Variants in IQCM observed in about 807,000 individuals in gnomAD.
IQCM encodes IQ motif containing M.
In IQCM, 45 loss-of-function variants were observed where a neutral mutation model predicts 57.6. The observed-to-expected ratio is 0.78, with a 90% CI of 0.62 to 1.00. The LOEUF (loss-of-function observed/expected upper bound fraction) is 1.00. Ranked by LOEUF, IQCM falls within the 50% of genes least tolerant of loss-of-function variation. The pLI is 0.00. For missense variants in IQCM, 468 were observed against 511.6 expected (o/e 0.91, Z 0.82); for synonymous variants, 148 against 158.9 (o/e 0.93, Z 0.51).
intron 12 of IQCM, among the ~76,000 whole-genome samples, chr4:149,473,476 C>T (rs140808871): frequency 5.3e-5 from 8 of 152,308 alleles, no homozygotes; most frequent in African/African-American, 1.4e-4. Flanking sequence ...CAGGAAACAA[C>T]AGGTGCCGGA....
At chr4:149,571,545 G>A (rs1297495080) in intron 9 of IQCM, among the ~76,000 whole-genome samples, 2 of 151,950 alleles carry the variant, frequency 1.3e-5, no homozygotes, top group East Asian at 1.9e-4. Context: ...TTACATAGGC[G>A]GAATAAGTCC....
intron 5 of IQCM, among the ~76,000 whole-genome samples, chr4:149,721,716 C>T (rs558602172): frequency 3.4e-4 from 51 of 152,228 alleles, no homozygotes; most frequent in African/African-American, 1.2e-3. Flanking sequence ...AGGTTGATTC[C>T]ATATCTTCGC....
At chr4:149,410,912 A>T (rs1417763153) in intron 13 of IQCM, among the ~76,000 whole-genome samples, 1 of 152,158 alleles carries the variant, frequency 6.6e-6, no homozygotes, top group Non-Finnish European at 1.5e-5. Flanking sequence ...TATATTGGAT[A>T]TGTATAATAT....
At chr4:149,641,061 A>C (rs1758145756) in intron 7 of IQCM, among the ~76,000 whole-genome samples, 1 of 152,116 alleles carries the variant, frequency 6.6e-6, no homozygotes. Context: ...ACCAAGGAGG[A>C]AGAGGTTGCA....
chr4:149,671,986 C>T (rs901618881), intron 7 of IQCM, among the ~76,000 whole-genome samples: 5 of 152,246 alleles, frequency 3.3e-5, no homozygotes, highest in East Asian at 1.9e-4. Context: ...TCTACACCTC[C>T]GCTGGTGATA....
chr4:149,612,219 C>T (rs1238960697), intron 8 of IQCM, among the ~76,000 whole-genome samples: 1 of 152,048 alleles, frequency 6.6e-6, no homozygotes, highest in African/African-American at 2.4e-5. Context: ...GGCCCTCCCC[C>T]AACATATGGG....
chr4:149,465,359 G>T (rs2149716739), intron 12 of IQCM, among the ~76,000 whole-genome samples: 1 of 152,244 alleles, frequency 6.6e-6, no homozygotes, highest in Admixed American at 6.5e-5. Context: ...CCACTAGACA[G>T]TGTTTCTCAA....
chr4:149,674,650 G>C (rs1391680550), intron 7 of IQCM, among the ~76,000 whole-genome samples: 1 of 152,024 alleles, frequency 6.6e-6, no homozygotes, highest in Non-Finnish European at 1.5e-5. Flanking sequence ...TCCAGGCAGA[G>C]AGAACAACAC....
At chr4:149,368,090 C>A (rs1729965485) in intron 13 of IQCM, among the ~76,000 whole-genome samples, 1 of 151,896 alleles carries the variant, frequency 6.6e-6, no homozygotes, top group Non-Finnish European at 1.5e-5. Flanking sequence ...TATTATTTTT[C>A]ACATAAAAGT....
chr4:149,414,968 A>G (rs1333136274), intron 13 of IQCM, among the ~76,000 whole-genome samples: 2 of 152,174 alleles, frequency 1.3e-5, no homozygotes, highest in African/African-American at 2.4e-5. Context: ...TAATAAAACT[A>G]TATTTTGTAA....
At chr4:149,371,508 T>G (rs1444071539) in intron 13 of IQCM, among the ~76,000 whole-genome samples, 1 of 152,154 alleles carries the variant, frequency 6.6e-6, no homozygotes. Flanking sequence ...TCCAAGAGTA[T>G]CTATCTTTCC....
At chr4:149,408,406 G>A (rs1733134822) in intron 13 of IQCM, among the ~76,000 whole-genome samples, 1 of 152,122 alleles carries the variant, frequency 6.6e-6, no homozygotes, top group Non-Finnish European at 1.5e-5. Flanking sequence ...CTCCTAAACT[G>A]ATATACTACG....
chr4:149,433,312 T>C (rs557754742), intron 13 of IQCM, 84 bp downstream of exon 13: 2 of 581,186 alleles, frequency 3.4e-6, no homozygotes, highest in Admixed American at 8.8e-5. Flanking sequence ...TCCCACATCA[T>C]CTAAGTGATG....
chr4:149,664,711 T>G (rs1448197500), intron 7 of IQCM, among the ~76,000 whole-genome samples: 1 of 152,114 alleles, frequency 6.6e-6, no homozygotes, highest in Non-Finnish European at 1.5e-5. Flanking sequence ...TGCAATGGAC[T>G]TTCTAAGGGT....
intron 7 of IQCM, among the ~76,000 whole-genome samples, chr4:149,673,579 T>TA (rs1761497606): frequency 6.6e-6 from 1 of 152,134 alleles, no homozygotes; most frequent in African/African-American, 2.4e-5. Flanking sequence ...CTAACTATCC[T>TA]AAAAATATAT....
At chr4:149,583,555 T>C (rs908592230) in intron 9 of IQCM, among the ~76,000 whole-genome samples, 8 of 151,546 alleles carry the variant, frequency 5.3e-5, no homozygotes, top group Non-Finnish European at 1.2e-4. Flanking sequence ...CATAGTAATC[T>C]ACAAAGCATT....
At chr4:149,357,955 C>T (rs1332079771) in intron 13 of IQCM, among the ~76,000 whole-genome samples, 3 of 152,166 alleles carry the variant, frequency 2.0e-5, no homozygotes, top group African/African-American at 4.8e-5. Context: ...AATTCAACTT[C>T]TTCCTGGTTT....
chr4:149,453,223 A>G (rs78283546), intron 12 of IQCM, among the ~76,000 whole-genome samples: 2,680 of 151,870 alleles, frequency 0.018, 81 homozygotes, highest in African/African-American at 0.062. Context: ...TGATAGTCCT[A>G]AGTTTGACAG....
chr4:149,572,274 A>G lies in IQCM; in HGVS notation c.750-8384T>C, dbSNP rs144923159. On this transcript the variant is annotated intron_variant, in intron 9 of 13. Transcript: ENST00000636793. ...TTGCTGATCCTTTTATTTTCCTTTT[A>G]TTAATATATTTTTATTTTTATTTTA... is the stretch of plus-strand genomic sequence containing the variant. 3.5e-3 allele frequency among the ~76,000 whole-genome samples: 528 copies of G among 151,656 alleles called. 3 individuals are homozygous for G. Among genetic ancestry groups the G allele is most frequent in the Non-Finnish European group, 5.7e-3 (387 of 67,850 alleles).
Sources: gnomAD v4.1 joint callset for allele counts (sites outside exome capture counted in the v4.1 genomes callset) on GRCh38, gnomAD v4.1.1 for gene constraint, MANE v1.5 for transcripts, NCBI Gene and HGNC (gene_info 2026-07-23, HGNC 2026-07-21) for gene names.